The following NEK11 variants were observed in gnomAD, a reference collection of about 807,000 sequenced individuals.
NEK11 encodes NIMA related kinase 11, also known as serine/threonine-protein kinase Nek11.
A neutral mutation model predicts 80.7 loss-of-function variants in NEK11; 72 were observed. That is an observed-to-expected ratio of 0.89 (90% CI 0.74 to 1.08). NEK11 has a LOEUF of 1.08. Among genes scored for constraint, NEK11 ranks in the 50% least tolerant of loss-of-function variants. NEK11 has a pLI of 0.00. For missense variants in NEK11, 764 were observed against 763.6 expected (o/e 1.00, Z -0.01); for synonymous variants, 251 against 260.7 (o/e 0.96, Z 0.36).
intron 13 of NEK11, among the ~76,000 whole-genome samples, chr3:131,169,700 A>G (rs1370562148): frequency 1.3e-5 from 2 of 152,174 alleles, no homozygotes; most frequent in Non-Finnish European, 2.9e-5. Flanking sequence ...TGGAGAGGTA[A>G]TGGGGATCAA....
At chr3:131,199,114 C>T (rs1003994755) in intron 14 of NEK11, among the ~76,000 whole-genome samples, 18 of 151,738 alleles carry the variant, frequency 1.2e-4, no homozygotes, top group Admixed American at 5.3e-4. Flanking sequence ...TTAGCCTTGC[C>T]GCAAAATTTC....
chr3:131,342,760 T>C (rs1014161605), intron 17 of NEK11, among the ~76,000 whole-genome samples: 3 of 152,138 alleles, frequency 2.0e-5, no homozygotes, highest in Admixed American at 1.3e-4. Flanking sequence ...TGTATGCATG[T>C]ATGTCTGTGT....
chr3:131,298,272 C>T (rs529719145), intron 17 of NEK11, among the ~76,000 whole-genome samples: 13 of 152,068 alleles, frequency 8.5e-5, no homozygotes, highest in African/African-American at 2.2e-4. Context: ...GCCATTTTCA[C>T]GATATTGATT....
intron 17 of NEK11, among the ~76,000 whole-genome samples, chr3:131,305,524 A>G (rs781385958): frequency 1.3e-5 from 2 of 152,110 alleles, no homozygotes; most frequent in African/African-American, 2.4e-5. Flanking sequence ...CCTAAGGTTA[A>G]AGTCTCCTAA....
At chr3:131,312,556 C>T (rs1045031862) in intron 17 of NEK11, among the ~76,000 whole-genome samples, 5 of 152,154 alleles carry the variant, frequency 3.3e-5, no homozygotes, top group Non-Finnish European at 5.9e-5. Flanking sequence ...GGGCTCCTTC[C>T]TCTGAGGAAT....
intron 14 of NEK11, among the ~76,000 whole-genome samples, chr3:131,224,480 C>T (rs1297129565): frequency 2.0e-5 from 3 of 152,130 alleles, no homozygotes; most frequent in South Asian, 2.1e-4. Context: ...CTGCCTGCCT[C>T]GGCCTGCCAA....
rs116450050 is a variant in NEK11 at position 131,256,157 on chromosome 3, G to A, written c.1621+12661G>A. On this transcript the variant is annotated intron_variant, in intron 16 of 17. Coordinates refer to ENST00000383366, the MANE Select transcript of NEK11 (RefSeq NM_024800.5). Reference sequence around the variant, plus strand: ...TATTCTATTGCACAGTTGGGTGACCGTGGTTAGCAATATCATATTGTACAT... The same window carrying A: ...TATTCTATTGCACAGTTGGGTGACCATGGTTAGCAATATCATATTGTACAT... Among the ~76,000 whole-genome samples, 1,441 of 152,260 alleles carry A rather than the reference G, an allele frequency of 9.5e-3. 16 individuals are homozygous for A. The highest frequency in any genetic ancestry group is 0.031 in the African/African-American group (1,285 of 41,562).
chr3:131,340,546 A>T (rs2097268539), intron 17 of NEK11, among the ~76,000 whole-genome samples: 1 of 152,162 alleles, frequency 6.6e-6, no homozygotes, highest in Non-Finnish European at 1.5e-5. Context: ...AGGATGAGAG[A>T]TTGAGTTTGG....
chr3:131,282,480 G>A (rs890993983), intron 17 of NEK11, among the ~76,000 whole-genome samples: 1 of 152,110 alleles, frequency 6.6e-6, no homozygotes, highest in Non-Finnish European at 1.5e-5. Context: ...GTCAAAACAG[G>A]TTTCTGTATT....
At chr3:131,141,215 T>C (rs2086822147) in intron 7 of NEK11, among the ~76,000 whole-genome samples, 1 of 152,072 alleles carries the variant, frequency 6.6e-6, no homozygotes, top group African/African-American at 2.4e-5. Flanking sequence ...AAAGGAATGA[T>C]AAACATATAA....
At chr3:131,197,881 C>T (rs548916336) in intron 14 of NEK11, among the ~76,000 whole-genome samples, 6 of 152,112 alleles carry the variant, frequency 3.9e-5, no homozygotes, top group Non-Finnish European at 5.9e-5. Flanking sequence ...ATCTGCTTGG[C>T]GGTTCCCTTC....
chr3:131,266,443 T>C (rs1343931607), intron 16 of NEK11, among the ~76,000 whole-genome samples: 2 of 152,170 alleles, frequency 1.3e-5, no homozygotes, highest in Non-Finnish European at 2.9e-5. Context: ...ACTTATTTAT[T>C]TCCGCCTATT....
intron 4 of NEK11, among the ~76,000 whole-genome samples, chr3:131,107,166 TG>T (rs1383190962): frequency 2.0e-5 from 3 of 152,128 alleles, no homozygotes; most frequent in Non-Finnish European, 2.9e-5. Flanking sequence ...CAATTTTATC[TG>T]GGTTAAAACT....
intron 4 of NEK11, among the ~76,000 whole-genome samples, chr3:131,091,955 G>A (rs915861666): frequency 6.6e-6 from 1 of 152,190 alleles, no homozygotes; most frequent in African/African-American, 2.4e-5. Flanking sequence ...CCTTATTTGG[G>A]CATGGTGTGA....
chr3:131,071,288 T>C (rs1232237999), intron 3 of NEK11, among the ~76,000 whole-genome samples: 1 of 152,116 alleles, frequency 6.6e-6, no homozygotes, highest in African/African-American at 2.4e-5. Context: ...TAGAGAACTA[T>C]AGAAAAAGGT....
rs191799421 is a variant in NEK11, at chr3:131,066,774, G to A, written c.171-13649G>A. Among the ~76,000 whole-genome samples the A allele has an allele frequency of 3.4e-4, 51 of 151,094 alleles. 1 individual carries two copies. The highest frequency in any genetic ancestry group is 2.3e-3 in the South Asian group (11 of 4,768). ...GGAGAATCACTTGAACTTGGGAGGC[G>A]GAGGTTGCAGTAAGCCAAGATGACA... On this transcript the variant is annotated intron_variant, in intron 3 of 17. Coordinates refer to ENST00000383366, the MANE Select transcript of NEK11 (RefSeq NM_024800.5).
rs767649064 is a variant in NEK11, at chr3:131,228,543, C to G, written c.1415C>G (p.Pro472Arg). Reference sequence around the variant, plus strand: ...ATTATTTCAGAGATCCCAGAAGACCCACTTGTGGCTGAAGAGTACTACGCT... The same window carrying G: ...ATTATTTCAGAGATCCCAGAAGACCGACTTGTGGCTGAAGAGTACTACGCT... ...DLGYHEIPED[P>R]LVAEEYYADA... Residue 472 changes from proline to arginine, a missense_variant, in exon 15 of 18, where the codon CCA (proline) becomes CGA (arginine). Coordinates refer to ENST00000383366, the MANE Select transcript of NEK11 (RefSeq NM_024800.5). The G allele has an allele frequency of 5.0e-6, 8 of 1,607,040 alleles. No homozygotes were observed. Among genetic ancestry groups the G allele is most frequent in the African/African-American group, 2.7e-5 (2 of 74,712 alleles).
intron 14 of NEK11, among the ~76,000 whole-genome samples, chr3:131,173,332 A>T (rs1451083680): frequency 6.6e-6 from 1 of 152,084 alleles, no homozygotes; most frequent in Non-Finnish European, 1.5e-5. Context: ...GTTAGGCAAT[A>T]TGTAGCTCCC....
At chr3:131,174,717 G>A in intron 14 of NEK11, 1 of 1,576,746 alleles carries the variant, frequency 6.3e-7, no homozygotes, top group Non-Finnish European at 8.6e-7. Context: ...ATTAATTTTT[G>A]CCAGGAACTT....
Sources: allele counts gnomAD v4.1 joint callset (sites outside exome capture counted in the v4.1 genomes callset), GRCh38; gene constraint gnomAD v4.1.1; transcripts MANE v1.5; gene names NCBI Gene and HGNC (gene_info 2026-07-23, HGNC 2026-07-21).